Variants in SULT1E1 observed in about 807,000 individuals in gnomAD.
The protein encoded by SULT1E1 is sulfotransferase family 1E member 1.
A neutral mutation model predicts 33.6 loss-of-function variants in SULT1E1; 36 were observed. That is an observed-to-expected ratio of 1.07 (90% CI 0.82 to 1.41). The LOEUF (loss-of-function observed/expected upper bound fraction) is 1.41. Among genes scored for constraint, SULT1E1 ranks in the 40% most tolerant of loss-of-function variants. SULT1E1 has a pLI of 0.00. For synonymous variants in SULT1E1, 121 were observed against 111.7 expected, an observed-to-expected ratio of 1.08 and a Z score of -0.53; for missense variants, 371 against 345.7, an observed-to-expected ratio of 1.07 and a Z score of -0.58.
chr4:69,857,894 G>A (rs1156691557), intron 1 of SULT1E1, among the ~76,000 whole-genome samples: 1 of 152,068 alleles, frequency 6.6e-6, no homozygotes, highest in Non-Finnish European at 1.5e-5. Context: ...GAAGTAAAAT[G>A]CTTAAAACTA....
the SULT1E1 span, among the ~76,000 whole-genome samples, chr4:69,825,679 T>C: frequency 0.018 from 2,700 of 152,200 alleles, 40 homozygotes; most frequent in Non-Finnish European, 0.029. Context: ...CGAGTGTCAA[T>C]AGAGAGGAAA....
At chr4:69,824,961 T>C in the SULT1E1 span, among the ~76,000 whole-genome samples, 1 of 152,202 alleles carries the variant, frequency 6.6e-6, no homozygotes, top group Non-Finnish European at 1.5e-5. Context: ...TGGGTTGCTC[T>C]TTCGGGTCAC....
intron 7 of SULT1E1, among the ~76,000 whole-genome samples, chr4:69,843,395 A>T (rs1034058694): frequency 1.3e-5 from 2 of 152,188 alleles, no homozygotes; most frequent in African/African-American, 4.8e-5. Flanking sequence ...TAGTTTGAGA[A>T]CTGAATCTCT....
intron 1 of SULT1E1, among the ~76,000 whole-genome samples, chr4:69,859,328 T>C (rs1721317635): frequency 6.6e-6 from 1 of 152,096 alleles, no homozygotes; most frequent in African/African-American, 2.4e-5. Context: ...TGTGAATGCC[T>C]ACCCTTTTCC....
chr4:69,857,621 A>C lies in SULT1E1; in HGVS notation c.24T>G (p.Tyr8Ter), dbSNP rs770601297. 6.2e-7 allele frequency: 1 copy of C among 1,605,078 alleles called. No homozygotes were observed. ...TCCCATGGACTTCTTCAAACTTTTC[A>C]TAATAGTCAAGTTCAGAATTCATTG... is the stretch of plus-strand genomic sequence containing the variant. MNSELDY[Y>*]EKFEEVHGIL... Residue 8 changes from tyrosine to a stop codon, truncating the protein, a stop_gained, in exon 2 of 8, where the codon TAT becomes TAG. Transcript: ENST00000226444. LOFTEE classifies it high-confidence loss of function.
At chr4:69,823,595 G>T in the SULT1E1 span, among the ~76,000 whole-genome samples, 1 of 152,234 alleles carries the variant, frequency 6.6e-6, no homozygotes, top group East Asian at 1.9e-4. Context: ...GGCCCATACG[G>T]TGTCTAAGAG....
the SULT1E1 span, among the ~76,000 whole-genome samples, chr4:69,821,514 T>C: frequency 6.6e-6 from 1 of 152,220 alleles, no homozygotes; most frequent in African/African-American, 2.4e-5. Flanking sequence ...TATCTGTCAT[T>C]TGAATATCCT....
chr4:69,847,727 G>T lies in SULT1E1; in HGVS notation c.562C>A (p.Leu188Ile). 1 of 1,607,200 alleles carries T rather than the reference G, an allele frequency of 6.2e-7. No homozygotes were observed. The highest frequency in any genetic ancestry group is 8.5e-7 in the Non-Finnish European group (1 of 1,175,952). ...TTCAGGTCTTCGTAGAAAAGAAATA[G>T]TACACGTGGACTCTTTCCCTTTTCC... The part of the protein sequence containing the change: ...WWEKGKSPRV[L>I]FLFYEDLKED... Residue 188 changes from leucine to isoleucine, a missense_variant, in exon 6 of 8, where the codon CTA (leucine) becomes ATA (isoleucine). Coordinates refer to ENST00000226444, the MANE Select transcript of SULT1E1 (RefSeq NM_005420.3).
intron 5 of SULT1E1, among the ~76,000 whole-genome samples, chr4:69,848,705 CTTAT>C (rs1401404654): frequency 6.6e-6 from 1 of 151,828 alleles, no homozygotes; most frequent in Admixed American, 6.6e-5. Context: ...GCACATATAC[CTTAT>C]TTGTCTTGAG....
At chr4:69,856,464 T>G (rs994472459) in intron 2 of SULT1E1, among the ~76,000 whole-genome samples, 5 of 152,186 alleles carry the variant, frequency 3.3e-5, no homozygotes, top group Non-Finnish European at 5.9e-5. Context: ...AGGCTGACTG[T>G]GAGACCTATC....
At chr4:69,821,251 T>A in the SULT1E1 span, among the ~76,000 whole-genome samples, 1 of 152,272 alleles carries the variant, frequency 6.6e-6, no homozygotes, top group Non-Finnish European at 1.5e-5. Flanking sequence ...CTATCCTACG[T>A]TTTTCACACA....
rs769742682 is a variant in SULT1E1 at position 69,855,296 on chromosome 4, G to A, written c.271+5C>T. ...AATAGTTTTTAAAATCAACTTGAAC[G>A]TTACCATTCATGAGGTTTTCTTTTC... is the stretch of plus-strand genomic sequence containing the variant. On this transcript the variant is annotated splice_donor_5th_base_variant and intron_variant, in intron 3 of 7. Coordinates refer to ENST00000226444, the MANE Select transcript of SULT1E1 (RefSeq NM_005420.3). 2.1e-5 allele frequency: 34 copies of A among 1,609,966 alleles called. No individual in the cohort carries two copies. Among genetic ancestry groups the A allele is most frequent in the South Asian group, 1.1e-4 (10 of 90,678 alleles).
chr4:69,849,667 C>A, intron 4 of SULT1E1, 104 bp from the exon 5 acceptor site: 1 of 1,059,234 alleles, frequency 9.4e-7, no homozygotes, highest in Non-Finnish European at 1.3e-6. Flanking sequence ...AAACATAATA[C>A]ACATTAATTT....
downstream of SULT1E1, among the ~76,000 whole-genome samples, chr4:69,837,719 T>TG (rs1421438978): frequency 6.6e-6 from 1 of 152,144 alleles, no homozygotes; most frequent in Non-Finnish European, 1.5e-5. Context: ...ATAGTAGAGA[T>TG]GGGGTCTCAC....
At chr4:69,832,907 T>G in the SULT1E1 span, among the ~76,000 whole-genome samples, 2 of 152,166 alleles carry the variant, frequency 1.3e-5, no homozygotes, top group Admixed American at 6.5e-5. Flanking sequence ...TAGGAGAACT[T>G]ATCTCCTCAC....
the SULT1E1 span, among the ~76,000 whole-genome samples, chr4:69,829,735 G>T: frequency 6.6e-6 from 1 of 152,180 alleles, no homozygotes; most frequent in Non-Finnish European, 1.5e-5. Context: ...CTCTTTGACC[G>T]ATAGAAAGGC....
the SULT1E1 span, among the ~76,000 whole-genome samples, chr4:69,833,937 G>A: frequency 0.048 from 7,312 of 152,072 alleles, 585 homozygotes; most frequent in African/African-American, 0.17. Flanking sequence ...AATTGTATTT[G>A]CCTTCCCTAT....
chr4:69,827,330 C>G, the SULT1E1 span, among the ~76,000 whole-genome samples: 1 of 152,112 alleles, frequency 6.6e-6, no homozygotes. Flanking sequence ...GGACAAATTC[C>G]CTACTGGTCA....
the SULT1E1 span, among the ~76,000 whole-genome samples, chr4:69,831,698 C>T: frequency 3.9e-5 from 6 of 152,126 alleles, no homozygotes; most frequent in Admixed American, 1.3e-4. Context: ...CTTTTCTGAC[C>T]GACCAGACCG....
Sources: gnomAD v4.1 joint callset for allele counts (sites outside exome capture counted in the v4.1 genomes callset) on GRCh38, gnomAD v4.1.1 for gene constraint, MANE v1.5 for transcripts, NCBI Gene and HGNC (gene_info 2026-07-23, HGNC 2026-07-21) for gene names.